MALRD1: variants seen among roughly 807,000 people sequenced by gnomAD.
MALRD1 encodes the protein MAM and LDL-receptor class A domain-containing protein 1.
Under a neutral mutation model 242.1 loss-of-function variants are expected in MALRD1, and 247 were observed. The observed-to-expected ratio is 1.02, with a 90% CI of 0.92 to 1.13. The LOEUF (loss-of-function observed/expected upper bound fraction) is 1.13, where lower values mean the gene tolerates loss of function less well. MALRD1 is among the 50% of genes most tolerant of loss of function. The probability of loss-of-function intolerance (pLI) is 0.00; values close to 1 mark genes in which losing one functional copy is unlikely to be tolerated. For synonymous variants in MALRD1, 995 were observed against 866.6 expected (o/e 1.15, Z -2.60); for missense variants, 2,989 against 2,533.1 (o/e 1.18, Z -3.86).
At chr10:19,683,133 G>GAA (rs112989209) in intron 36 of MALRD1, among the ~76,000 whole-genome samples, 573 of 145,718 alleles carry the variant, frequency 3.9e-3, no homozygotes, top group African/African-American at 0.011. Flanking sequence ...CATCTCTACC[G>GAA]GAAAAAAAAA....
intron 6 of MALRD1, among the ~76,000 whole-genome samples, chr10:19,123,882 A>G (rs564563843): frequency 2.6e-5 from 4 of 152,268 alleles, no homozygotes; most frequent in East Asian, 1.9e-4. Flanking sequence ...CTAATCCCAT[A>G]AAGTAGATAA....
At chr10:19,587,081 C>A (rs1045388007) in intron 33 of MALRD1, among the ~76,000 whole-genome samples, 1 of 152,334 alleles carries the variant, frequency 6.6e-6, no homozygotes, top group East Asian at 1.9e-4. Flanking sequence ...CGCCCTGCTT[C>A]GGCTCGCGCA....
intron 28 of MALRD1, among the ~76,000 whole-genome samples, chr10:19,431,766 T>G (rs899450490): frequency 2.6e-5 from 4 of 152,174 alleles, no homozygotes; most frequent in Admixed American, 2.6e-4. Context: ...ACAAGTGAGC[T>G]GAGTTATGTC....
At chr10:19,452,314 T>C (rs932943953) in intron 29 of MALRD1, among the ~76,000 whole-genome samples, 3 of 152,152 alleles carry the variant, frequency 2.0e-5, no homozygotes, top group Non-Finnish European at 4.4e-5. Context: ...TTTTTCGTAA[T>C]AGAGTTCTGT....
At chr10:19,583,728 G>T (rs973328203) in intron 33 of MALRD1, among the ~76,000 whole-genome samples, 2 of 151,796 alleles carry the variant, frequency 1.3e-5, no homozygotes, top group Non-Finnish European at 2.9e-5. Flanking sequence ...TCAGGATGAT[G>T]CTGGCCTCAT....
In MALRD1 at chr10:19,093,946, CGT is replaced by C. The variant is rs1047939899; in HGVS notation, c.597+5762_597+5763del. Among the ~76,000 whole-genome samples the C allele has an allele frequency of 1.3e-3, 134 of 101,396 alleles. 23 individuals are homozygous for C. Among genetic ancestry groups the C allele is most frequent in the Admixed American group, 2.5e-3 (23 of 9,298 alleles). The allele number at this position is 101,396 out of a possible 152,430, so 66.5% of individuals were successfully genotyped here. Reference sequence around the variant, plus strand: ...GACCCACTTGAGGAGGCAGTCTGCCCGTTCTCAGATCTCCAGCTGTGTGCTGG... The same window carrying C: ...GACCCACTTGAGGAGGCAGTCTGCCCTCTCAGATCTCCAGCTGTGTGCTGG... On this transcript the variant is annotated intron_variant, in intron 4 of 39. Transcript: ENST00000454679.
In MALRD1 at chr10:19,104,058, G is replaced by A. The variant is rs992943740; in HGVS notation, c.677G>A (p.Gly226Asp). ...ATTGATGATATATCTTTCAGTTCAG[G>A]CTGCTTGCCTGCCAATGGTAAGAAC... ...IAIDDISFSS[G>D]CLPANDGILL... Residue 226 changes from glycine (G) to aspartate (D), a missense_variant, in exon 5 of 40, where the codon GGC becomes GAC. Physicochemically the swap from Gly to Asp is moderately conservative, Grantham distance 94. Coordinates refer to ENST00000454679, the MANE Select transcript of MALRD1 (RefSeq NM_001142308.3). 4 of 1,233,510 alleles carry A rather than the reference G, an allele frequency of 3.2e-6. No homozygotes were observed. The highest frequency in any genetic ancestry group is 4.0e-6 in the Non-Finnish European group (4 of 987,824). 76.4% of individuals were successfully genotyped at this position (1,233,510 alleles called of 1,614,324 possible).
intron 36 of MALRD1, among the ~76,000 whole-genome samples, chr10:19,668,510 C>T (rs961656966): frequency 4.6e-5 from 7 of 152,148 alleles, no homozygotes; most frequent in East Asian, 3.9e-4. Context: ...TGTGGGAGAA[C>T]GCCACTAATA....
chr10:19,187,597 G>A (rs1835795559), intron 14 of MALRD1, among the ~76,000 whole-genome samples: 2 of 152,262 alleles, frequency 1.3e-5, no homozygotes, highest in African/African-American at 2.4e-5. Context: ...CTGAGGAAGA[G>A]CAGCCCACCT....
intron 26 of MALRD1, among the ~76,000 whole-genome samples, chr10:19,356,379 T>A (rs910468830): frequency 6.6e-5 from 10 of 152,066 alleles, no homozygotes; most frequent in Non-Finnish European, 5.9e-5. Context: ...TGCAAGCGAG[T>A]TAAGGAATAC....
chr10:19,407,603 A>G lies in MALRD1; in HGVS notation c.4845+17994A>G, dbSNP rs946759305. The stretch of plus-strand genomic sequence containing the variant: ...AGGAAATAGAAAAGGCAACTAATAA[A>G]CCTATAAAAAGATGCCCTACCACTA... On this transcript the variant is annotated intron_variant, in intron 28 of 39. Coordinates refer to ENST00000454679, the MANE Select transcript of MALRD1 (RefSeq NM_001142308.3). Among the ~76,000 whole-genome samples, 6 of 152,212 alleles carry G rather than the reference A, an allele frequency of 3.9e-5. 1 individual carries two copies. Among genetic ancestry groups the G allele is most frequent in the Admixed American group, 3.9e-4 (6 of 15,280 alleles).
At chr10:19,369,465 G>GT (rs1018709055) in intron 26 of MALRD1, among the ~76,000 whole-genome samples, 29 of 148,060 alleles carry the variant, frequency 2.0e-4, no homozygotes, top group Non-Finnish European at 4.2e-4. Context: ...TTGAGATATA[G>GT]TTTTTTTATA....
intron 33 of MALRD1, among the ~76,000 whole-genome samples, chr10:19,584,846 A>C (rs1475857753): frequency 6.7e-6 from 1 of 150,364 alleles, no homozygotes; most frequent in African/African-American, 2.5e-5. Flanking sequence ...CCCATTATTA[A>C]TGTGTGGGAG....
At chr10:19,620,634 A>G (rs888247461) in intron 36 of MALRD1, among the ~76,000 whole-genome samples, 3 of 152,032 alleles carry the variant, frequency 2.0e-5, no homozygotes, top group African/African-American at 7.2e-5. Context: ...TGGAGAGTTC[A>G]TGGGCAAAAA....
chr10:19,075,938 T>TCTATTC (rs1835303585), intron 2 of MALRD1, among the ~76,000 whole-genome samples: 1 of 151,984 alleles, frequency 6.6e-6, no homozygotes, highest in South Asian at 2.1e-4. Context: ...ATAACGAACA[T>TCTATTC]TTGCAGTGAG....
intron 10 of MALRD1, among the ~76,000 whole-genome samples, 168 bp from the exon 11 acceptor site, chr10:19,146,030 G>A (rs1010788757): frequency 1.3e-5 from 2 of 152,162 alleles, no homozygotes; most frequent in Admixed American, 6.5e-5. Flanking sequence ...CAGCACCTGA[G>A]ATATTGTGTG....
rs16918368 is a variant in MALRD1 at position 19,220,065 on chromosome 10, T to C, written c.2991+10385T>C. Among the ~76,000 whole-genome samples the C allele has an allele frequency of 9.6e-3, 1,463 of 152,284 alleles. 28 individuals are homozygous for C. The highest frequency in any genetic ancestry group is 0.033 in the African/African-American group (1,380 of 41,580). On this transcript the variant is annotated intron_variant, in intron 18 of 39. Coordinates refer to ENST00000454679, the MANE Select transcript of MALRD1 (RefSeq NM_001142308.3). ...ATTTTCATTGTTTTATCTAATTTGG[T>C]TGTAACTAATGTGTTTAATATGGCT...
intron 18 of MALRD1, among the ~76,000 whole-genome samples, chr10:19,237,258 T>A (rs1838361107): frequency 6.6e-6 from 1 of 151,484 alleles, no homozygotes; most frequent in Non-Finnish European, 1.5e-5. Flanking sequence ...TGTGATTTCA[T>A]AACTGTTAAC....
chr10:19,209,959 A>G (rs1332010942), intron 18 of MALRD1, among the ~76,000 whole-genome samples: 1 of 152,094 alleles, frequency 6.6e-6, no homozygotes, highest in Admixed American at 6.5e-5. Flanking sequence ...TACTGAAATG[A>G]ACAACCTGGA....
Sources: gnomAD v4.1 joint callset for allele counts (sites outside exome capture counted in the v4.1 genomes callset) on GRCh38, gnomAD v4.1.1 for gene constraint, MANE v1.5 for transcripts, NCBI Gene and HGNC (gene_info 2026-07-23, HGNC 2026-07-21) for gene names.